RGS8: variants seen among roughly 807,000 people sequenced by gnomAD.
RGS8 encodes regulator of G protein signaling 8.
A neutral mutation model predicts 21.7 loss-of-function variants in RGS8; 8 were observed. That is an observed-to-expected ratio of 0.37 (90% CI 0.22 to 0.66). RGS8 has a LOEUF of 0.66. Ranked by LOEUF, RGS8 falls within the 30% of genes least tolerant of loss-of-function variation. The pLI is 0.59. For missense variants in RGS8, 157 were observed against 217.9 expected (o/e 0.72, Z 1.76); for synonymous variants, 80 against 83.6 (o/e 0.96, Z 0.24).
intron 1 of RGS8, among the ~76,000 whole-genome samples, chr1:182,680,471 A>C (rs934597536): frequency 6.6e-6 from 1 of 152,124 alleles, no homozygotes; most frequent in Admixed American, 6.5e-5. Context: ...CTTCTCCAAA[A>C]GCCTCACCTG....
the RGS8 span, among the ~76,000 whole-genome samples, chr1:182,707,453 C>G: frequency 1.3e-5 from 2 of 152,116 alleles, no homozygotes; most frequent in Non-Finnish European, 2.9e-5. Flanking sequence ...GAAGGTGTGG[C>G]AAAGGCATCA....
At chr1:182,744,671 C>T in the RGS8 span, among the ~76,000 whole-genome samples, 1 of 152,228 alleles carries the variant, frequency 6.6e-6, no homozygotes, top group Non-Finnish European at 1.5e-5. Context: ...ACGTGCTATA[C>T]AGGTTTGTTG....
At chr1:182,750,784 A>ACT in the RGS8 span, among the ~76,000 whole-genome samples, 1 of 27,450 alleles carries the variant, frequency 3.6e-5, no homozygotes, top group Non-Finnish European at 9.5e-5. Flanking sequence ...TAGATACTAG[A>ACT]CTAGATACTA....
the RGS8 span, among the ~76,000 whole-genome samples, chr1:182,691,160 T>C: frequency 1.3e-5 from 2 of 152,180 alleles, no homozygotes; most frequent in African/African-American, 4.8e-5. Context: ...ACTAGAAGAA[T>C]TGCCCAACTG....
downstream of RGS8, chr1:182,644,752 T>C (rs1662629585): frequency 6.6e-6 from 1 of 152,250 alleles, no homozygotes; most frequent in Non-Finnish European, 1.5e-5. Context: ...ATGTTTAAAA[T>C]ACCCTGTTAG....
the RGS8 span, among the ~76,000 whole-genome samples, chr1:182,699,425 C>T: frequency 6.6e-6 from 1 of 152,212 alleles, no homozygotes; most frequent in South Asian, 2.1e-4. Flanking sequence ...AAGATTAGTT[C>T]CCTGGGCCCA....
At chr1:182,735,247 T>C in the RGS8 span, among the ~76,000 whole-genome samples, 1 of 152,216 alleles carries the variant, frequency 6.6e-6, no homozygotes, top group Non-Finnish European at 1.5e-5. Flanking sequence ...TTCAAGAACA[T>C]CAAACATTTT....
chr1:182,667,111 T>A (rs1423087007), intron 3 of RGS8, 138 bp from the exon 5 acceptor site: 2 of 687,268 alleles, frequency 2.9e-6, no homozygotes, highest in African/African-American at 1.8e-5. Context: ...GAAGACTTCA[T>A]GAACAGGAAG....
chr1:182,665,849 G>A lies in RGS8; in HGVS notation c.193+120C>T, dbSNP rs748045379. ...TCTAGGCAGGAGGCTCTGTGAGAGCGGGGCCCACAGAGGTCTGGAACACCT... is the reference window on the plus strand; with the variant it reads ...TCTAGGCAGGAGGCTCTGTGAGAGCAGGGCCCACAGAGGTCTGGAACACCT... On this transcript the variant is annotated intron_variant, in intron 5 of 6. Transcript: ENST00000483095. 1.3e-4 allele frequency: 89 copies of A among 703,902 alleles called. 1 individual carries two copies. The highest frequency in any genetic ancestry group is 2.0e-4 in the Admixed American group (9 of 44,294). The allele number at this position is 703,902 out of a possible 1,614,324, so 43.6% of individuals were successfully genotyped here.
At chr1:182,668,767 G>A (rs770866045) in intron 3 of RGS8, among the ~76,000 whole-genome samples, 6 of 152,202 alleles carry the variant, frequency 3.9e-5, no homozygotes, top group Non-Finnish European at 8.8e-5. Flanking sequence ...GCGACAGCGG[G>A]CATCTTATGT....
chr1:182,716,127 T>TG, the RGS8 span, among the ~76,000 whole-genome samples: 3 of 126,730 alleles, frequency 2.4e-5, no homozygotes, highest in East Asian at 2.5e-4. Context: ...TGTTTTTTGG[T>TG]TTTTTTTTTT....
chr1:182,718,857 T>C, the RGS8 span, among the ~76,000 whole-genome samples: 1 of 152,168 alleles, frequency 6.6e-6, no homozygotes. Context: ...TTGAATCCAA[T>C]CTCAACAAAT....
intron 1 of RGS8, among the ~76,000 whole-genome samples, chr1:182,681,028 G>A (rs1456452222): frequency 6.6e-6 from 1 of 152,220 alleles, no homozygotes; most frequent in East Asian, 1.9e-4. Flanking sequence ...CCCACTTCCT[G>A]TGTTACTGCA....
At chr1:182,744,072 C>T in the RGS8 span, among the ~76,000 whole-genome samples, 1 of 152,208 alleles carries the variant, frequency 6.6e-6, no homozygotes, top group Non-Finnish European at 1.5e-5. Context: ...CCCAGAACAA[C>T]TCCTGACTCA....
intron 1 of RGS8, among the ~76,000 whole-genome samples, chr1:182,680,105 T>C (rs897239026): frequency 6.6e-6 from 1 of 152,182 alleles, no homozygotes; most frequent in East Asian, 1.9e-4. Context: ...CTGGTCCCCA[T>C]GAGACAGCCT....
the RGS8 span, among the ~76,000 whole-genome samples, chr1:182,729,574 A>G: frequency 3.9e-5 from 6 of 152,234 alleles, no homozygotes; most frequent in African/African-American, 1.4e-4. Context: ...GCATTATTAA[A>G]AAATATAGGG....
chr1:182,683,340 C>T (rs1664599212), intron 1 of RGS8, among the ~76,000 whole-genome samples: 1 of 152,330 alleles, frequency 6.6e-6, no homozygotes, highest in Non-Finnish European at 1.5e-5. Context: ...CCAAGAACTA[C>T]TATGATCTCA....
chr1:182,685,686 G>A (rs1664684885), upstream of RGS8, among the ~76,000 whole-genome samples: 1 of 152,146 alleles, frequency 6.6e-6, no homozygotes, highest in Admixed American at 6.5e-5. Context: ...CTTCCCTGCT[G>A]CACTCTGGGC....
At chr1:182,669,303 A>T (rs953767913) in intron 3 of RGS8, among the ~76,000 whole-genome samples, 1 of 152,208 alleles carries the variant, frequency 6.6e-6, no homozygotes, top group Non-Finnish European at 1.5e-5. Context: ...GCCCCATCCC[A>T]GTAACTCACA....
Sources: allele counts gnomAD v4.1 joint callset (sites outside exome capture counted in the v4.1 genomes callset), GRCh38; gene constraint gnomAD v4.1.1; transcripts MANE v1.5; gene names NCBI Gene and HGNC (gene_info 2026-07-23, HGNC 2026-07-21).